The following GALNT17 variants were observed in gnomAD, a reference collection of about 807,000 sequenced individuals.
GALNT17 encodes polypeptide N-acetylgalactosaminyltransferase 17, also known as UDP-GalNAc:polypeptide N-acetylgalactosaminyltransferase-like 3.
Under a neutral mutation model 63.7 loss-of-function variants are expected in GALNT17, and 29 were observed. The ratio of observed to expected loss-of-function variants is 0.46; its 90% CI spans 0.34 to 0.62. GALNT17 has a LOEUF of 0.62. Among genes scored for constraint, GALNT17 ranks in the 20% least tolerant of loss-of-function variants. The pLI is 0.01. For synonymous variants in GALNT17, 305 were observed against 318.3 expected, an observed-to-expected ratio of 0.96 and a Z score of 0.45; for missense variants, 603 against 799.6, an observed-to-expected ratio of 0.75 and a Z score of 2.97.
chr7:71,336,322 G>C (rs1278272558), intron 2 of GALNT17, among the ~76,000 whole-genome samples: 1 of 152,132 alleles, frequency 6.6e-6, no homozygotes, highest in East Asian at 1.9e-4. Flanking sequence ...TGGGATTACA[G>C]GTGTGAGCCA....
intron 1 of GALNT17, among the ~76,000 whole-genome samples, chr7:71,204,193 G>T (rs901661241): frequency 2.0e-5 from 3 of 152,050 alleles, no homozygotes; most frequent in African/African-American, 7.2e-5. Flanking sequence ...CACCTCTGTT[G>T]TAAATGCATT....
At chr7:71,196,802 C>T (rs550511263) in intron 1 of GALNT17, among the ~76,000 whole-genome samples, 2 of 151,224 alleles carry the variant, frequency 1.3e-5, no homozygotes, top group Admixed American at 6.6e-5. Flanking sequence ...TACAGGTGCG[C>T]GCAATGATGC....
At chr7:71,549,925 C>G (rs1789048504) in intron 5 of GALNT17, among the ~76,000 whole-genome samples, 1 of 151,504 alleles carries the variant, frequency 6.6e-6, no homozygotes, top group Non-Finnish European at 1.5e-5. Context: ...TGACCCTGCT[C>G]AAGTAATAAC....
In GALNT17 at chr7:71,302,349, C is replaced by G. The variant is rs566926631; in HGVS notation, c.239-33201C>G. The stretch of plus-strand genomic sequence containing the variant: ...ACATCCTGTGCGTGTATCCCAGAAC[C>G]TAAAATAAAATATTTTTAAAAATTA... On this transcript the variant is annotated intron_variant, in intron 1 of 10. Transcript: ENST00000333538. 3.3e-5 allele frequency among the ~76,000 whole-genome samples: 5 copies of G among 152,272 alleles called. No homozygotes were observed. The East Asian group carries it at 9.6e-4, about 29-fold the overall frequency.
At chr7:71,462,803 CTT>C (rs1583976028) in intron 5 of GALNT17, among the ~76,000 whole-genome samples, 1 of 152,156 alleles carries the variant, frequency 6.6e-6, no homozygotes, top group East Asian at 1.9e-4. Context: ...AGAGAGATAA[CTT>C]TGAATAGAAT....
At chr7:71,531,697 T>G (rs1401303797) in intron 5 of GALNT17, among the ~76,000 whole-genome samples, 1 of 152,130 alleles carries the variant, frequency 6.6e-6, no homozygotes, top group Non-Finnish European at 1.5e-5. Context: ...TCAAGCGATC[T>G]TCCCACCTCA....
chr7:71,483,943 A>T (rs1216073078), intron 5 of GALNT17, among the ~76,000 whole-genome samples: 1 of 152,108 alleles, frequency 6.6e-6, no homozygotes, highest in African/African-American at 2.4e-5. Context: ...CAGGGTCAGG[A>T]TCGTCAATAT....
chr7:71,480,359 C>T (rs1033598043), intron 5 of GALNT17, among the ~76,000 whole-genome samples: 2 of 151,748 alleles, frequency 1.3e-5, no homozygotes, highest in Non-Finnish European at 2.9e-5. Flanking sequence ...TTGCACAGTC[C>T]TGGCCATGCC....
intron 1 of GALNT17, among the ~76,000 whole-genome samples, chr7:71,218,570 C>G (rs574899419): frequency 1.6e-4 from 24 of 152,140 alleles, no homozygotes; most frequent in East Asian, 1.5e-3. Context: ...AACCCCTGGG[C>G]CACAAACTGG....
At chr7:71,580,266 ATAGAT>A (rs57987843) in intron 6 of GALNT17, among the ~76,000 whole-genome samples, 3,086 of 152,164 alleles carry the variant, frequency 0.02, 111 homozygotes, top group African/African-American at 0.07. Flanking sequence ...TGATAGTTTG[ATAGAT>A]TAGATAGATG....
At chr7:71,633,491 A>C (rs1192515762) in intron 6 of GALNT17, among the ~76,000 whole-genome samples, 1 of 152,140 alleles carries the variant, frequency 6.6e-6, no homozygotes, top group Non-Finnish European at 1.5e-5. Context: ...TTCTTTTACC[A>C]GGCAGGGAGT....
At chr7:71,398,803 T>C (rs1793185827) in intron 3 of GALNT17, among the ~76,000 whole-genome samples, 1 of 152,244 alleles carries the variant, frequency 6.6e-6, no homozygotes, top group Admixed American at 6.5e-5. Flanking sequence ...CTGAACTGTA[T>C]ACTTAAAATG....
chr7:71,417,573 C>T (rs1017777881), intron 4 of GALNT17, among the ~76,000 whole-genome samples: 4 of 152,186 alleles, frequency 2.6e-5, no homozygotes, highest in African/African-American at 9.6e-5. Flanking sequence ...CTGGGCTCCA[C>T]TCAGTCCCCT....
chr7:71,533,233 G>A (rs545859067), intron 5 of GALNT17, among the ~76,000 whole-genome samples: 1 of 152,216 alleles, frequency 6.6e-6, no homozygotes, highest in East Asian at 1.9e-4. Context: ...CATTTTCCCT[G>A]CCAGAATCCA....
At chr7:71,165,850 T>C (rs10250868) in intron 1 of GALNT17, among the ~76,000 whole-genome samples, 12,018 of 152,148 alleles carry the variant, frequency 0.079, 1,065 homozygotes, top group African/African-American at 0.22. Context: ...TTTGAAGGGC[T>C]GAGTAGGTGG....
rs114403184 is a variant in GALNT17 at position 71,235,850 on chromosome 7, C to T, written c.239-99700C>T. On this transcript the variant is annotated intron_variant, in intron 1 of 10. Coordinates refer to ENST00000333538, the MANE Select transcript of GALNT17 (RefSeq NM_022479.3). Reference sequence around the variant, plus strand: ...CTCCTTCTTCCTTCCATCTGGTTCCCAGTGTCCTTGGATTTGCATCTCCTG... The same window carrying T: ...CTCCTTCTTCCTTCCATCTGGTTCCTAGTGTCCTTGGATTTGCATCTCCTG... Among the ~76,000 whole-genome samples the T allele has an allele frequency of 3.0e-3, 462 of 152,320 alleles. 4 individuals carry two copies. The highest frequency in any genetic ancestry group is 0.011 in the African/African-American group (446 of 41,576).
rs535281338 is a variant in GALNT17 at position 71,625,217 on chromosome 7, T to C, written c.1081-40194T>C. On this transcript the variant is annotated intron_variant, in intron 6 of 10. Transcript: ENST00000333538. ...TGGAGTGCAATAGCACGATCTCGGC[T>C]CACTGCAACCTCCATCTCCCGAGCT... 2.6e-5 allele frequency among the ~76,000 whole-genome samples: 4 copies of C among 152,220 alleles called. No homozygotes were observed. The South Asian group carries it at 6.2e-4, about 24-fold the overall frequency.
intron 1 of GALNT17, among the ~76,000 whole-genome samples, chr7:71,159,448 T>G (rs1788299449): frequency 6.6e-6 from 1 of 151,316 alleles, no homozygotes; most frequent in African/African-American, 2.4e-5. Flanking sequence ...TTCTAGCATT[T>G]TAAGTCTTTA....
chr7:71,302,607 C>T (rs1337675775), intron 1 of GALNT17, among the ~76,000 whole-genome samples: 1 of 152,108 alleles, frequency 6.6e-6, no homozygotes, highest in Admixed American at 6.5e-5. Context: ...GCACTGTAAT[C>T]TCATAGAACG....
Sources: gnomAD v4.1 joint callset for allele counts (sites outside exome capture counted in the v4.1 genomes callset) on GRCh38, gnomAD v4.1.1 for gene constraint, MANE v1.5 for transcripts, NCBI Gene and HGNC (gene_info 2026-07-23, HGNC 2026-07-21) for gene names.